The following EMC2 variants were observed in gnomAD, a reference collection of about 807,000 sequenced individuals.
EMC2 encodes TPR repeat protein 35.
EMC2 carries 37 observed loss-of-function variants against 51.6 expected under a neutral mutation model. That is an observed-to-expected ratio of 0.72 (90% CI 0.55 to 0.94). EMC2 has a LOEUF of 0.94. Ranked by LOEUF, EMC2 falls within the 40% of genes least tolerant of loss-of-function variation. The pLI is 0.00. For missense variants in EMC2, 359 were observed against 350.9 expected, an observed-to-expected ratio of 1.02 and a Z score of -0.18; for synonymous variants, 131 against 112.4, an observed-to-expected ratio of 1.17 and a Z score of -1.04.
intron 5 of EMC2, chr8:108,456,166 T>C (rs2130351586): frequency 6.0e-6 from 1 of 166,386 alleles, no homozygotes; most frequent in African/African-American, 2.4e-5. Context: ...AAACCCCATC[T>C]CTACTAAAAA....
chr8:108,447,314 T>TG (rs1255990545), intron 1 of EMC2, among the ~76,000 whole-genome samples: 1 of 151,424 alleles, frequency 6.6e-6, no homozygotes, highest in Non-Finnish European at 1.5e-5. Flanking sequence ...TCTGGAGCTC[T>TG]GTGTGCATTA....
chr8:108,448,026 C>G (rs1818921170), intron 1 of EMC2, among the ~76,000 whole-genome samples: 1 of 151,700 alleles, frequency 6.6e-6, no homozygotes, highest in Non-Finnish European at 1.5e-5. Flanking sequence ...ACTCAAGGGC[C>G]AAGCAGATGA....
At chr8:108,456,334 A>G (rs1819155372) in intron 5 of EMC2, among the ~76,000 whole-genome samples, 1 of 80,026 alleles carries the variant, frequency 1.2e-5, no homozygotes, top group African/African-American at 4.1e-5. Flanking sequence ...CTTCGTGTCA[A>G]AAAAAAAAAA....
intron 5 of EMC2, among the ~76,000 whole-genome samples, chr8:108,469,527 T>A (rs1452118305): frequency 6.6e-6 from 1 of 152,164 alleles, no homozygotes; most frequent in Admixed American, 6.6e-5. Flanking sequence ...GGGCTTTAAG[T>A]TGGATAAAGA....
In EMC2 at chr8:108,488,040, G is replaced by A. The variant is rs139354414; in HGVS notation, c.*1442G>A. 3.9e-5 allele frequency among the ~76,000 whole-genome samples: 6 copies of A among 152,052 alleles called. No homozygotes were observed. Among genetic ancestry groups the A allele is most frequent in the African/African-American group, 9.7e-5 (4 of 41,382 alleles). On this transcript the variant is annotated 3_prime_UTR_variant, in exon 11 of 11. Transcript: ENST00000220853. ...TCTGTAAAGAAAATAGTGCCTGCAC[G>A]TTGTTTCACTACCTTTTCCCCTTCA...
intron 3 of EMC2, among the ~76,000 whole-genome samples, chr8:108,451,596 G>A (rs1819023533): frequency 6.6e-6 from 1 of 151,730 alleles, no homozygotes. Context: ...TGTTAGTGAT[G>A]AAAACATTCC....
chr8:108,465,205 A>G (rs1346212462), intron 5 of EMC2, among the ~76,000 whole-genome samples: 3 of 152,202 alleles, frequency 2.0e-5, no homozygotes, highest in African/African-American at 7.2e-5. Flanking sequence ...TTTGAAACAG[A>G]TTATATAGGT....
In EMC2 at chr8:108,487,596, A is replaced by G. The variant is rs1476651896; in HGVS notation, c.*998A>G. Among the ~76,000 whole-genome samples the G allele has an allele frequency of 1.3e-5, 2 of 151,982 alleles. No homozygotes were observed. The stretch of plus-strand genomic sequence containing the variant: ...TCAGTTTTTAAAATAGCAACTGTTC[A>G]CCGCAAATATTTATGGTATTTGTTT... On this transcript the variant is annotated 3_prime_UTR_variant, in exon 11 of 11. Coordinates refer to ENST00000220853, the MANE Select transcript of EMC2 (RefSeq NM_014673.5).
intron 7 of EMC2, among the ~76,000 whole-genome samples, chr8:108,472,589 G>A (rs1490307463): frequency 6.6e-6 from 1 of 151,342 alleles, no homozygotes; most frequent in Non-Finnish European, 1.5e-5. Context: ...TTAGGTGACT[G>A]GAAATGCATA....
chr8:108,454,844 A>T (rs1819113538), intron 4 of EMC2, among the ~76,000 whole-genome samples: 2 of 152,160 alleles, frequency 1.3e-5, no homozygotes, highest in South Asian at 4.1e-4. Context: ...GTTTCTCAGG[A>T]TACAGAATTC....
intron 5 of EMC2, among the ~76,000 whole-genome samples, chr8:108,463,533 C>T (rs187124748): frequency 6.6e-6 from 1 of 152,138 alleles, no homozygotes; most frequent in Non-Finnish European, 1.5e-5. Context: ...GAATGCCTTT[C>T]AGAAAGCAGA....
chr8:108,463,389 CT>C (rs549643944), intron 5 of EMC2, among the ~76,000 whole-genome samples: 10 of 151,016 alleles, frequency 6.6e-5, no homozygotes, highest in Non-Finnish European at 8.9e-5. Context: ...AGTTTTGGCA[CT>C]TTTTTTTTCG....
chr8:108,446,660 AT>A (rs1347931894), intron 1 of EMC2, among the ~76,000 whole-genome samples: 1 of 152,174 alleles, frequency 6.6e-6, no homozygotes, highest in African/African-American at 2.4e-5. Context: ...TTTTTAGGAA[AT>A]GAAGATGACT....
chr8:108,455,965 GT>G, intron 5 of EMC2, 35 bp downstream of exon 5: 1 of 996,822 alleles, frequency 1.0e-6, no homozygotes, highest in Non-Finnish European at 1.4e-6. Flanking sequence ...AAAATCTAAA[GT>G]TTAATTTAAA....
At chr8:108,462,222 T>TGTGTGTGTGTATGTGTGTGC (rs71303986) in intron 5 of EMC2, among the ~76,000 whole-genome samples, 1 of 151,556 alleles carries the variant, frequency 6.6e-6, no homozygotes, top group East Asian at 1.9e-4. Flanking sequence ...TTTGTGTGCG[T>TGTGTGTGTGTATGTGTGTGC]GTGTGTGTAT....
intron 5 of EMC2, among the ~76,000 whole-genome samples, chr8:108,466,423 C>T (rs889127125): frequency 3.4e-4 from 49 of 143,602 alleles, no homozygotes; most frequent in African/African-American, 1.2e-3. Flanking sequence ...GAATATTATG[C>T]TAAGGAAGCT....
intron 10 of EMC2, among the ~76,000 whole-genome samples, chr8:108,481,458 A>T (rs1400305359): frequency 6.6e-6 from 1 of 151,960 alleles, no homozygotes; most frequent in Non-Finnish European, 1.5e-5. Context: ...TGTGTGATTT[A>T]TGTAATATTA....
At chr8:108,448,224 C>T (rs1362047998) in intron 1 of EMC2, among the ~76,000 whole-genome samples, 2 of 152,108 alleles carry the variant, frequency 1.3e-5, no homozygotes, top group Non-Finnish European at 2.9e-5. Context: ...GTAATATTAT[C>T]TCTATTCATT....
intron 5 of EMC2, among the ~76,000 whole-genome samples, chr8:108,456,332 C>CAAAAAAAAAAAAA (rs869162246): frequency 2.1e-4 from 5 of 23,602 alleles, no homozygotes; most frequent in African/African-American, 9.4e-4. Flanking sequence ...GACTTCGTGT[C>CAAAAAAAAAAAAA]AAAAAAAAAA....
Sources: gnomAD v4.1 joint callset for allele counts (sites outside exome capture counted in the v4.1 genomes callset) on GRCh38, gnomAD v4.1.1 for gene constraint, MANE v1.5 for transcripts, NCBI Gene and HGNC (gene_info 2026-07-23, HGNC 2026-07-21) for gene names.